RNF150: variants seen among roughly 807,000 people sequenced by gnomAD.
The protein encoded by RNF150 is ring finger protein 150.
Under a neutral mutation model 39.3 loss-of-function variants are expected in RNF150, and 24 were observed. The observed-to-expected ratio is 0.61, with a 90% CI of 0.44 to 0.86. RNF150 has a LOEUF of 0.86. Ranked by LOEUF, RNF150 falls within the 40% of genes least tolerant of loss-of-function variation. The pLI is 0.00. For missense variants in RNF150, 502 were observed against 587.8 expected, an observed-to-expected ratio of 0.85 and a Z score of 1.51; for synonymous variants, 255 against 227.3, an observed-to-expected ratio of 1.12 and a Z score of -1.10.
At chr4:141,177,334 G>A (rs1406629841) in intron 1 of RNF150, among the ~76,000 whole-genome samples, 3 of 152,146 alleles carry the variant, frequency 2.0e-5, no homozygotes, top group African/African-American at 7.2e-5. Context: ...CTAAGCCCAA[G>A]TTCATGTTTC....
chr4:140,915,030 T>G (rs1317943059), intron 5 of RNF150, among the ~76,000 whole-genome samples: 2 of 152,210 alleles, frequency 1.3e-5, no homozygotes, highest in Non-Finnish European at 2.9e-5. Context: ...GCCAAGTTGT[T>G]TGCGAGTTGA....
At chr4:141,040,658 C>A (rs1162382982) in intron 1 of RNF150, among the ~76,000 whole-genome samples, 1 of 152,074 alleles carries the variant, frequency 6.6e-6, no homozygotes, top group Admixed American at 6.6e-5. Context: ...CAGTCCTAAG[C>A]AAACCAAGGA....
In RNF150 at chr4:141,034,223, T is replaced by C. The variant is rs2110835463; in HGVS notation, c.485-66350A>G. 3.3e-5 allele frequency among the ~76,000 whole-genome samples: 5 copies of C among 152,362 alleles called. No individual in the cohort carries two copies. The South Asian group carries it at 1.0e-3, about 32-fold the overall frequency. ...CCTGCTGCTTCACCTTGCATTTTTATGTTTTGGAGATTGTGTCTTTCTTTA... is the reference window on the plus strand; with the variant it reads ...CCTGCTGCTTCACCTTGCATTTTTACGTTTTGGAGATTGTGTCTTTCTTTA... On this transcript the variant is annotated intron_variant, in intron 1 of 6. Transcript: ENST00000515673.
At chr4:141,075,178 G>A (rs1023926302) in intron 1 of RNF150, among the ~76,000 whole-genome samples, 1 of 152,216 alleles carries the variant, frequency 6.6e-6, no homozygotes, top group Non-Finnish European at 1.5e-5. Flanking sequence ...TTAAGAATCA[G>A]AAGATATGTA....
intron 1 of RNF150, among the ~76,000 whole-genome samples, chr4:140,999,937 CAAA>C (rs35155778): frequency 1.9e-4 from 6 of 30,842 alleles, no homozygotes; most frequent in East Asian, 8.7e-4. Context: ...GACTTGGTCT[CAAA>C]AAAAGAAGAA....
At chr4:141,065,574 T>C (rs956651934) in intron 1 of RNF150, among the ~76,000 whole-genome samples, 1 of 151,912 alleles carries the variant, frequency 6.6e-6, no homozygotes, top group Non-Finnish European at 1.5e-5. Context: ...TTACATTGCG[T>C]AGTCTCTGTA....
chr4:141,207,022 C>T (rs1464346051), intron 1 of RNF150, among the ~76,000 whole-genome samples: 1 of 142,932 alleles, frequency 7.0e-6, no homozygotes, highest in African/African-American at 2.5e-5. Context: ...GCCAGCCAGT[C>T]TCACCTTCTT....
intron 1 of RNF150, among the ~76,000 whole-genome samples, chr4:141,128,959 AAGAT>A (rs1417702888): frequency 6.6e-6 from 1 of 152,212 alleles, no homozygotes; most frequent in Non-Finnish European, 1.5e-5. Context: ...CAAAATAAAA[AAGAT>A]AGTAACAAAT....
intron 1 of RNF150, among the ~76,000 whole-genome samples, chr4:141,059,022 A>G (rs1187956201): frequency 6.6e-6 from 1 of 152,132 alleles, no homozygotes; most frequent in East Asian, 1.9e-4. Context: ...TTTGGAGAGG[A>G]CTGTCATGTC....
rs552413850 is a variant in RNF150, at chr4:140,959,006, A to T, written c.735+8617T>A. 2.0e-5 allele frequency among the ~76,000 whole-genome samples: 3 copies of T among 152,218 alleles called. No individual in the cohort carries two copies. In the East Asian group the frequency reaches 5.8e-4, roughly 29 times the overall value. ...TTTTAACAGGTGAAGAGTCTGATAT[A>T]AAAGGTTTCCTTCACCTGAAAACCA... On this transcript the variant is annotated intron_variant, in intron 2 of 6. Coordinates refer to ENST00000515673, the MANE Select transcript of RNF150 (RefSeq NM_020724.2).
intron 1 of RNF150, among the ~76,000 whole-genome samples, chr4:141,142,633 G>A (rs2321898): frequency 0.98 from 149,185 of 152,304 alleles, 73,157 homozygotes; most frequent in East Asian, 1. Flanking sequence ...TGCTTTGTCA[G>A]ATTCAATGGG....
chr4:140,948,665 C>T (rs1354581451), intron 3 of RNF150, among the ~76,000 whole-genome samples: 3 of 152,150 alleles, frequency 2.0e-5, no homozygotes, highest in Non-Finnish European at 4.4e-5. Flanking sequence ...TCTTGAACTC[C>T]CTGGCCTCAA....
At chr4:141,156,918 T>C (rs190014979) in intron 1 of RNF150, among the ~76,000 whole-genome samples, 1 of 151,936 alleles carries the variant, frequency 6.6e-6, no homozygotes, top group Admixed American at 6.6e-5. Flanking sequence ...AAAAAATTGA[T>C]CATATGCTAT....
chr4:141,048,718 G>C (rs184584576), intron 1 of RNF150, among the ~76,000 whole-genome samples: 2 of 152,132 alleles, frequency 1.3e-5, no homozygotes, highest in Admixed American at 6.6e-5. Flanking sequence ...GGGTGACAGA[G>C]TGAGACCCTG....
intron 1 of RNF150, among the ~76,000 whole-genome samples, chr4:141,183,891 T>C (rs1727954710): frequency 1.3e-5 from 2 of 152,230 alleles, no homozygotes; most frequent in Non-Finnish European, 2.9e-5. Flanking sequence ...CCATATTTTC[T>C]TTATTTAGTC....
At position 140,868,254 on chromosome 4, in the gene RNF150, T is replaced by C. The variant is rs1159652952; in HGVS notation, c.*7A>G. Reference sequence around the variant, plus strand: ...CCTACTATCTCTTTGCTTCTGGATTTGTCGTTTCAAGATTTCACTTCTTCA... The same window carrying C: ...CCTACTATCTCTTTGCTTCTGGATTCGTCGTTTCAAGATTTCACTTCTTCA... On this transcript the variant is annotated 3_prime_UTR_variant, in exon 7 of 7. Transcript: ENST00000515673. 6.7e-7 allele frequency: 1 copy of C among 1,502,490 alleles called. No individual in the cohort carries two copies. The highest frequency in any genetic ancestry group is 1.1e-5 in the South Asian group (1 of 88,656). 93.1% of individuals were successfully genotyped at this position (1,502,490 alleles called of 1,614,324 possible). A position where few individuals can be genotyped will look rare whatever the true frequency, so the allele number is the denominator to read the frequency against.
chr4:141,015,667 T>C (rs1278323532), intron 1 of RNF150, among the ~76,000 whole-genome samples: 2 of 152,176 alleles, frequency 1.3e-5, no homozygotes, highest in African/African-American at 4.8e-5. Context: ...CTTTAGGGTT[T>C]TCTATATATA....
intron 1 of RNF150, among the ~76,000 whole-genome samples, chr4:141,094,598 T>C (rs1319841450): frequency 9.9e-5 from 15 of 152,280 alleles, no homozygotes. Flanking sequence ...CACTTTACCA[T>C]GCTTAGCTTG....
intron 1 of RNF150, among the ~76,000 whole-genome samples, chr4:141,179,285 G>T (rs1192870758): frequency 1.3e-5 from 2 of 151,996 alleles, no homozygotes; most frequent in Non-Finnish European, 2.9e-5. Flanking sequence ...GAGATTCTCT[G>T]ACTTCATTTC....
Sources: allele counts gnomAD v4.1 joint callset (sites outside exome capture counted in the v4.1 genomes callset), GRCh38; gene constraint gnomAD v4.1.1; transcripts MANE v1.5; gene names NCBI Gene and HGNC (gene_info 2026-07-23, HGNC 2026-07-21).